Variants in SCAND1 observed in about 807,000 individuals in gnomAD.
The protein encoded by SCAND1 is SCAN domain containing 1, also known as SCAN domain-containing protein 1.
SCAND1 carries 3 observed loss-of-function variants against 3.4 expected under a neutral mutation model. That is an observed-to-expected ratio of 0.87 (90% CI 0.40 to 2.25). SCAND1 has a LOEUF of 2.25. Ranked by LOEUF, SCAND1 falls within the 30% of genes most tolerant of loss-of-function variation. The pLI is 0.05. For synonymous variants in SCAND1, 152 were observed against 120.5 expected (o/e 1.26, Z -1.72); for missense variants, 303 against 258.8 (o/e 1.17, Z -1.17).
chr20:35,953,997 G>A lies in SCAND1; in HGVS notation c.288C>T (p.Gly96=), dbSNP rs1328674418. The stretch of plus-strand genomic sequence containing the variant: ...CGGGACCGAGTCTAGAGCCGGCGGG[G>A]CCTGGTGTGGAGCGCGCTTCAGCTT... ...QAEAEARSTP[G]PAGSRLGPET... The change falls in exon 2 of 2, where the codon GGC becomes GGT. Residue 96 remains glycine, a synonymous_variant. Coordinates refer to ENST00000305978, the MANE Select transcript of SCAND1 (RefSeq NM_033630.3). 1 of 1,549,820 alleles carries A rather than the reference G, an allele frequency of 6.5e-7. No individual in the cohort carries two copies. The highest frequency in any genetic ancestry group is 1.9e-5 in the Admixed American group (1 of 51,304).
upstream of SCAND1, among the ~76,000 whole-genome samples, chr20:35,958,606 T>G (rs1169357199): frequency 6.6e-6 from 1 of 152,156 alleles, no homozygotes; most frequent in Non-Finnish European, 1.5e-5. Flanking sequence ...TCCACAGACT[T>G]TATTCACATT....
upstream of SCAND1, among the ~76,000 whole-genome samples, chr20:35,956,941 G>A (rs1407228218): frequency 6.6e-6 from 1 of 152,182 alleles, no homozygotes; most frequent in African/African-American, 2.4e-5. Context: ...TCTGGAGAAG[G>A]GGTGAGAGAT....
Position 35,953,728 on chromosome 20 carries a change from G to T in SCAND1, c.*17C>A. The T allele has an allele frequency of 2.8e-6, 4 of 1,409,242 alleles. No homozygotes were observed. Among genetic ancestry groups the T allele is most frequent in the South Asian group, 1.5e-5 (1 of 65,404 alleles). The allele number at this position is 1,409,242 out of a possible 1,614,324, so 87.3% of individuals were successfully genotyped here. A position where few individuals can be genotyped will look rare whatever the true frequency, so the allele number is the denominator to read the frequency against. Reference sequence around the variant, plus strand: ...CCGCACAGAGCGCCCGGCCCTGGCCGCCCGCAGCTCCACCGCTCAGCCAGT... The same window carrying T: ...CCGCACAGAGCGCCCGGCCCTGGCCTCCCGCAGCTCCACCGCTCAGCCAGT... On this transcript the variant is annotated 3_prime_UTR_variant, in exon 2 of 2. Transcript: ENST00000305978.
chr20:35,955,428 A>ACATT (rs1220357146), upstream of SCAND1: 1 of 152,240 alleles, frequency 6.6e-6, no homozygotes, highest in Non-Finnish European at 1.5e-5. Flanking sequence ...TGTGCAGTTT[A>ACATT]CATTATATTT....
chr20:35,953,637 C>A lies in SCAND1; in HGVS notation c.*108G>T. 1.5e-6 allele frequency: 1 copy of A among 664,434 alleles called. No individual in the cohort carries two copies. Among genetic ancestry groups the A allele is most frequent in the South Asian group, 2.9e-5 (1 of 33,920 alleles). 41.2% of individuals were successfully genotyped at this position (664,434 alleles called of 1,614,324 possible). On this transcript the variant is annotated 3_prime_UTR_variant, in exon 2 of 2. Transcript: ENST00000305978. ...CACCAGACCACAGGCGCTGCCAAAACTCATTTTTCATTAACACGGGGTGGG... is the reference window on the plus strand; with the variant it reads ...CACCAGACCACAGGCGCTGCCAAAAATCATTTTTCATTAACACGGGGTGGG...
upstream of SCAND1, chr20:35,954,704 A>C (rs1375555415): frequency 2.8e-6 from 3 of 1,062,926 alleles, no homozygotes; most frequent in African/African-American, 5.0e-5. Context: ...GAATGTTTGG[A>C]GATAGACTTC....
rs1340570484 is a variant in SCAND1, at chr20:35,953,872, C to T, written c.413G>A (p.Arg138Gln). The T allele has an allele frequency of 6.3e-7, 1 of 1,591,494 alleles. No individual in the cohort carries two copies. Among genetic ancestry groups the T allele is most frequent in the South Asian group, 1.1e-5 (1 of 88,800 alleles). ...CTGCTCCTTGGTGCGGATGTCAGGC[C>T]GCAGCCACTGGCGGGACAGCTCCCG... ...QLRELSRQWL[R>Q]PDIRTKEQIV... Residue 138 changes from arginine to glutamine, a missense_variant, in exon 2 of 2, where the codon CGG (arginine) becomes CAG (glutamine). Physicochemically the swap from Arg to Gln is conservative, Grantham distance 43. Coordinates refer to ENST00000305978, the MANE Select transcript of SCAND1 (RefSeq NM_033630.3).
At chr20:35,957,225 C>T (rs1008010452), upstream of SCAND1, among the ~76,000 whole-genome samples, 15 of 152,186 alleles carry the variant, frequency 9.9e-5, no homozygotes, top group South Asian at 4.1e-4. Flanking sequence ...CTTTGTGGGC[C>T]GGTAAGCCTG....
chr20:35,954,095 G>T lies in SCAND1; in HGVS notation c.190C>A (p.Pro64Thr). The T allele has an allele frequency of 6.5e-6, 10 of 1,538,616 alleles. No homozygotes were observed. The highest frequency in any genetic ancestry group is 8.8e-6 in the Non-Finnish European group (10 of 1,138,740). ...AGGGCCGCGGAGGCCGCAGCTCGGGGCGTAGGGATGGCTTCAGGGACCGCG... is the reference window on the plus strand; with the variant it reads ...AGGGCCGCGGAGGCCGCAGCTCGGGTCGTAGGGATGGCTTCAGGGACCGCG... ...NAAVPEAIPT[P>T]RAAASAALEL... Residue 64 changes from proline (P) to threonine (T), a missense_variant, in exon 2 of 2, where the codon CCC becomes ACC. Coordinates refer to ENST00000305978, the MANE Select transcript of SCAND1 (RefSeq NM_033630.3).
In SCAND1 at chr20:35,953,756, T is replaced by G; in HGVS notation, c.529A>C (p.Ile177Leu). 1 of 1,459,038 alleles carries G rather than the reference T, an allele frequency of 6.9e-7. No homozygotes were observed. The highest frequency in any genetic ancestry group is 9.0e-7 in the Non-Finnish European group (1 of 1,108,902). The allele number at this position is 1,459,038 out of a possible 1,614,324, so 90.4% of individuals were successfully genotyped here. Residue 177 changes from isoleucine to leucine, a missense_variant, in exon 2 of 2, where the codon ATC becomes CTC. Coordinates refer to ENST00000305978, the MANE Select transcript of SCAND1 (RefSeq NM_033630.3). ...RRIRRRTDVR[I>L]TG ...CGCAGCTCCACCGCTCAGCCAGTGA[T>G]GCGCACATCCGTGCGGCGGCGGATC...
chr20:35,954,027 C>T lies in SCAND1; in HGVS notation c.258G>A (p.Gln86=). 6.5e-7 allele frequency: 1 copy of T among 1,544,868 alleles called. No homozygotes were observed. The highest frequency in any genetic ancestry group is 2.5e-5 in the East Asian group (1 of 40,790). ...LGPAPVSVAP[Q]AEAEARSTPG... ...GTGTGGAGCGCGCTTCAGCTTCGGC[C>T]TGAGGCGCTACGCTCACGGGTGCGG... Residue 86 remains glutamine, a synonymous_variant, in exon 2 of 2, where the codon CAG becomes CAA. Transcript: ENST00000305978.
chr20:35,953,779 AT>A lies in SCAND1; in HGVS notation c.505del (p.Ile169SerfsTer30). 1 of 1,491,652 alleles carries A rather than the reference AT, an allele frequency of 6.7e-7. No individual in the cohort carries two copies. The highest frequency in any genetic ancestry group is 8.9e-7 in the Non-Finnish European group (1 of 1,123,946). The allele number at this position is 1,491,652 out of a possible 1,614,324, so 92.4% of individuals were successfully genotyped here. A position where few individuals can be genotyped will look rare whatever the true frequency, so the allele number is the denominator to read the frequency against. The part of the protein sequence containing the change: ...ILPEAARARR[I>X]RRRTDVRITG Reference sequence around the variant, plus strand: ...GATGCGCACATCCGTGCGGCGGCGGATCCGCCGGGCCCGAGCCGCCTCGGGC... The same window carrying A: ...GATGCGCACATCCGTGCGGCGGCGGACCGCCGGGCCCGAGCCGCCTCGGGC... On this transcript the variant is annotated frameshift_variant, in exon 2 of 2. Coordinates refer to ENST00000305978, the MANE Select transcript of SCAND1 (RefSeq NM_033630.3). LOFTEE classifies it high-confidence loss of function.
chr20:35,956,660 G>C (rs2147160164), upstream of SCAND1, among the ~76,000 whole-genome samples: 1 of 152,346 alleles, frequency 6.6e-6, no homozygotes, highest in South Asian at 2.1e-4. Context: ...CCCCTCAGTA[G>C]TTGGGTTTGC....
chr20:35,954,452 A>C lies in SCAND1; in HGVS notation c.-60T>G, dbSNP rs554337530. ...CCGAGAGTGTGCGGAGCTTACCTGC[A>C]CCAGCGAAGCGCCTGCGGCAGCCGG... On this transcript the variant is annotated 5_prime_UTR_variant, in exon 1 of 2. Coordinates refer to ENST00000305978, the MANE Select transcript of SCAND1 (RefSeq NM_033630.3). The C allele has an allele frequency of 4.5e-6, 7 of 1,549,020 alleles. No homozygotes were observed. The Admixed American group carries it at 1.2e-4, about 26-fold the overall frequency.
At position 35,953,693 on chromosome 20, in the gene SCAND1, T is replaced by G; in HGVS notation, c.*52A>C. 2 of 1,239,526 alleles carry G rather than the reference T, an allele frequency of 1.6e-6. No homozygotes were observed. The highest frequency in any genetic ancestry group is 1.8e-5 in the South Asian group (1 of 54,540). 76.8% of individuals were successfully genotyped at this position (1,239,526 alleles called of 1,614,324 possible). On this transcript the variant is annotated 3_prime_UTR_variant, in exon 2 of 2. Coordinates refer to ENST00000305978, the MANE Select transcript of SCAND1 (RefSeq NM_033630.3). ...AGGCTCAGGCCCCCGGGCCCGATCA[T>G]GGCCCCAGTCCGCACAGAGCGCCCG...
At position 35,954,301 on chromosome 20, in the gene SCAND1, G is replaced by A; in HGVS notation, c.-17C>T. The A allele has an allele frequency of 3.1e-6, 5 of 1,613,402 alleles. No homozygotes were observed. The highest frequency in any genetic ancestry group is 4.2e-6 in the Non-Finnish European group (5 of 1,179,852). ...AGCCGCCATAACTCCAGCTCCGGGC[G>A]TCACTCTTTGTCCGGTAGCTGTGTG... is the stretch of plus-strand genomic sequence containing the variant. On this transcript the variant is annotated 5_prime_UTR_variant, in exon 2 of 2. In the 5' UTR this introduces an upstream ATG that the reference lacks. Coordinates refer to ENST00000305978, the MANE Select transcript of SCAND1 (RefSeq NM_033630.3).
chr20:35,954,504 T>A (rs1432149064), upstream of SCAND1: 1 of 1,536,894 alleles, frequency 6.5e-7, no homozygotes, highest in South Asian at 1.2e-5. Context: ...CTTCTCTGCG[T>A]CCAGGTCGGC....
At chr20:35,957,452 G>T (rs1412935489), upstream of SCAND1, among the ~76,000 whole-genome samples, 1 of 152,112 alleles carries the variant, frequency 6.6e-6, no homozygotes, top group Non-Finnish European at 1.5e-5. Context: ...GCTGGGCTCG[G>T]TGGCTCATGC....
In SCAND1 at chr20:35,954,062, G is replaced by GC. The variant is rs1317390846; in HGVS notation, c.222dup (p.Pro75AlafsTer16). The GC allele has an allele frequency of 1.2e-5, 18 of 1,539,220 alleles. No individual in the cohort carries two copies. The highest frequency in any genetic ancestry group is 2.0e-5 in the Admixed American group (1 of 50,406). Reference sequence around the variant, plus strand: ...ACGCTCACGGGTGCGGGCCCGAGAGGCAGCTCCAGGGCCGCGGAGGCCGCA... The same window carrying GC: ...ACGCTCACGGGTGCGGGCCCGAGAGGCCAGCTCCAGGGCCGCGGAGGCCGCA... On this transcript the variant is annotated frameshift_variant, in exon 2 of 2. Transcript: ENST00000305978. LOFTEE classifies it low-confidence loss of function (END_TRUNC).
Sources: gnomAD v4.1 joint callset for allele counts (sites outside exome capture counted in the v4.1 genomes callset) on GRCh38, gnomAD v4.1.1 for gene constraint, MANE v1.5 for transcripts, NCBI Gene and HGNC (gene_info 2026-07-23, HGNC 2026-07-21) for gene names.